Variants in RGS21 observed in about 807,000 individuals in gnomAD.
RGS21 encodes the protein regulator of G protein signaling 21, also known as regulator of G-protein signalling 21.
RGS21 carries 19 observed loss-of-function variants against 18.7 expected under a neutral mutation model. The ratio of observed to expected loss-of-function variants is 1.01; its 90% confidence interval spans 0.71 to 1.49. The LOEUF is 1.49. Among genes scored for constraint, RGS21 ranks in the 40% most tolerant of loss-of-function variants. RGS21 has a pLI of 0.00. For synonymous variants in RGS21, 56 were observed against 57.8 expected (o/e 0.97, Z 0.14); for missense variants, 194 against 176.8 (o/e 1.10, Z -0.55).
chr1:192,364,434 A>T (rs968483250), intron 4 of RGS21, among the ~76,000 whole-genome samples: 1 of 152,164 alleles, frequency 6.6e-6, no homozygotes, highest in Non-Finnish European at 1.5e-5. Flanking sequence ...ATATTAAAAT[A>T]GTTTGGTATT....
chr1:192,362,538 A>G (rs1330778747), intron 4 of RGS21, among the ~76,000 whole-genome samples: 1 of 152,224 alleles, frequency 6.6e-6, no homozygotes, highest in Non-Finnish European at 1.5e-5. Context: ...TTTAAGAAAT[A>G]TAATTACATT....
rs532689868 is a variant in RGS21, at chr1:192,332,321, GAC to G, written c.-60-10654_-60-10653del. 1.6e-3 allele frequency among the ~76,000 whole-genome samples: 244 copies of G among 152,192 alleles called. 1 individual carries two copies. The highest frequency in any genetic ancestry group is 5.6e-3 in the African/African-American group (233 of 41,562). ...TAATCAGTAAGATTGGATAGAAAAA[GAC>G]AATGGAGCAATACCATCAAATTTAT... On this transcript the variant is annotated intron_variant, in intron 1 of 4. Transcript: ENST00000417209.
At chr1:192,364,944 C>T (rs1659233859) in intron 4 of RGS21, among the ~76,000 whole-genome samples, 1 of 151,770 alleles carries the variant, frequency 6.6e-6, no homozygotes, top group East Asian at 1.9e-4. Flanking sequence ...ACCAGCCTGG[C>T]CAACATGGTG....
chr1:192,347,992 A>G (rs1371331378), intron 3 of RGS21, among the ~76,000 whole-genome samples: 4 of 138,412 alleles, frequency 2.9e-5, no homozygotes, highest in African/African-American at 6.0e-5. Flanking sequence ...GTGTGTGTGT[A>G]TACACACATA....
intron 1 of RGS21, among the ~76,000 whole-genome samples, chr1:192,340,216 A>G (rs1368603581): frequency 6.6e-6 from 1 of 152,142 alleles, no homozygotes; most frequent in East Asian, 1.9e-4. Context: ...AGTATTGTCC[A>G]TAAGATCTCC....
chr1:192,338,962 C>T (rs1399403795), intron 1 of RGS21, among the ~76,000 whole-genome samples: 2 of 152,040 alleles, frequency 1.3e-5, no homozygotes, highest in East Asian at 3.9e-4. Flanking sequence ...CTTCCCCTTT[C>T]TAGTTATGCA....
At chr1:192,318,466 C>G (rs1410465926) in intron 1 of RGS21, among the ~76,000 whole-genome samples, 1 of 152,072 alleles carries the variant, frequency 6.6e-6, no homozygotes, top group Admixed American at 6.6e-5. Flanking sequence ...GCAAAATCTG[C>G]CAGAAGTTTT....
chr1:192,333,358 T>C (rs1036983412), intron 1 of RGS21, among the ~76,000 whole-genome samples: 2 of 151,264 alleles, frequency 1.3e-5, no homozygotes, highest in African/African-American at 4.9e-5. Flanking sequence ...ATAAATAAAA[T>C]GTATGTCTAT....
chr1:192,333,262 T>G (rs1658686703), intron 1 of RGS21, among the ~76,000 whole-genome samples: 1 of 112,266 alleles, frequency 8.9e-6, no homozygotes, highest in Admixed American at 8.0e-5. Context: ...TTTGGCAGTT[T>G]CTTAAATACA....
At chr1:192,335,174 T>C (rs1306097179) in intron 1 of RGS21, among the ~76,000 whole-genome samples, 1 of 152,174 alleles carries the variant, frequency 6.6e-6, no homozygotes, top group Non-Finnish European at 1.5e-5. Context: ...TTTGAAATTT[T>C]AAATCGTGAA....
At position 192,367,166 on chromosome 1, in the gene RGS21, A is replaced by T. The variant is rs149064815; in HGVS notation, c.*1042A>T. 7.2e-5 allele frequency: 11 copies of T among 152,156 alleles called. No homozygotes were observed. The highest frequency in any genetic ancestry group is 1.6e-4 in the Non-Finnish European group (11 of 67,968). 9.4% of individuals were successfully genotyped at this position (152,156 alleles called of 1,614,324 possible). On this transcript the variant is annotated 3_prime_UTR_variant, in exon 5 of 5. Coordinates refer to ENST00000417209, the MANE Select transcript of RGS21 (RefSeq NM_001039152.3). ...ATATTTCTGCTTTTAGATTGTTTGA[A>T]CATTAAAAAATGGAGGAAAAATAGC...
chr1:192,356,824 C>T (rs1339934803), intron 4 of RGS21, among the ~76,000 whole-genome samples: 4 of 151,700 alleles, frequency 2.6e-5, no homozygotes, highest in Non-Finnish European at 1.5e-5. Context: ...TTCTGCCCTA[C>T]TAGTGACTGT....
intron 1 of RGS21, among the ~76,000 whole-genome samples, chr1:192,320,128 G>T (rs1358234709): frequency 6.6e-6 from 1 of 152,062 alleles, no homozygotes; most frequent in Admixed American, 6.6e-5. Context: ...ACACACTGGG[G>T]CTTTCAGAGA....
Position 192,366,238 on chromosome 1 carries a change from A to C in RGS21, c.*114A>C. The stretch of plus-strand genomic sequence containing the variant: ...AGGATTTAGAAAACATTTTTTACCC[A>C]AACAGATGAATAACGTTTTATACAA... On this transcript the variant is annotated 3_prime_UTR_variant, in exon 5 of 5. Coordinates refer to ENST00000417209, the MANE Select transcript of RGS21 (RefSeq NM_001039152.3). The C allele has an allele frequency of 1.5e-6, 1 of 675,972 alleles. No individual in the cohort carries two copies. Among genetic ancestry groups the C allele is most frequent in the Non-Finnish European group, 2.5e-6 (1 of 393,848 alleles). The allele number at this position is 675,972 out of a possible 1,614,324, so 41.9% of individuals were successfully genotyped here.
At chr1:192,323,000 C>G (rs751745150) in intron 1 of RGS21, among the ~76,000 whole-genome samples, 1 of 152,050 alleles carries the variant, frequency 6.6e-6, no homozygotes, top group Non-Finnish European at 1.5e-5. Flanking sequence ...GATGAAGCAT[C>G]TATCTGGATT....
intron 1 of RGS21, among the ~76,000 whole-genome samples, chr1:192,325,841 A>C (rs1423730928): frequency 2.6e-5 from 4 of 152,120 alleles, no homozygotes; most frequent in Non-Finnish European, 5.9e-5. Context: ...GATTCTGGGC[A>C]TTAGACCTTT....
intron 1 of RGS21, among the ~76,000 whole-genome samples, chr1:192,333,157 C>T (rs1286689976): frequency 5.2e-4 from 79 of 151,870 alleles, no homozygotes; most frequent in Non-Finnish European, 1.5e-5. Context: ...ATAAAAATGT[C>T]TTTAATGACA....
intron 1 of RGS21, among the ~76,000 whole-genome samples, chr1:192,340,957 A>C (rs1658850471): frequency 6.6e-6 from 1 of 152,046 alleles, no homozygotes; most frequent in Admixed American, 6.6e-5. Flanking sequence ...TTCAAGATGA[A>C]ATTTGGGTAG....
At chr1:192,317,871 T>C (rs543839941) in intron 1 of RGS21, among the ~76,000 whole-genome samples, 1 of 152,158 alleles carries the variant, frequency 6.6e-6, no homozygotes, top group South Asian at 2.1e-4. Context: ...AATTAGTTTA[T>C]ATAATTTTAG....
Sources: gnomAD v4.1 joint callset for allele counts (sites outside exome capture counted in the v4.1 genomes callset) on GRCh38, gnomAD v4.1.1 for gene constraint, MANE v1.5 for transcripts, NCBI Gene and HGNC (gene_info 2026-07-23, HGNC 2026-07-21) for gene names.